Variants in RAI1 observed in about 807,000 individuals in gnomAD.
RAI1 encodes retinoic acid-induced protein 1.
In RAI1, 9 loss-of-function variants were observed where a neutral mutation model predicts 123.8. That is an observed-to-expected ratio of 0.07 (90% CI 0.04 to 0.13). The LOEUF (loss-of-function observed/expected upper bound fraction) is 0.13. Among genes scored for constraint, RAI1 ranks in the 10% least tolerant of loss-of-function variants. RAI1 has a pLI of 1.00. For synonymous variants in RAI1, 1,231 were observed against 1,127.3 expected (o/e 1.09, Z -1.84); for missense variants, 2,256 against 2,545.8 (o/e 0.89, Z 2.45).
In RAI1 at chr17:17,803,854, G is replaced by A. The variant is rs537278530; in HGVS notation, c.5659+5G>A. On this transcript the variant is annotated splice_donor_5th_base_variant and intron_variant, in intron 4 of 5. Transcript: ENST00000353383. ...ACCCGTGTGCCAGCGATGCAGGTACGAGCCCGCCCAGGAACAGGAGGGCAT... is the reference window on the plus strand; with the variant it reads ...ACCCGTGTGCCAGCGATGCAGGTACAAGCCCGCCCAGGAACAGGAGGGCAT... 14 of 1,612,482 alleles carry A rather than the reference G, an allele frequency of 8.7e-6. No individual in the cohort carries two copies. The highest frequency in any genetic ancestry group is 8.3e-5 in the Admixed American group (5 of 60,004).
rs143810054 is a variant in RAI1, at chr17:17,793,593, C to T, written c.645C>T (p.Ser215=). ...CCCACTTTCCTCAGCATTCCCAGTC[C>T]TTCCCCACCTCCTCCACCTACTCCT... ...QGTHFPQHSQ[S]FPTSSTYSSS... is the part of the protein sequence containing the mutation. The change falls in exon 3 of 6, where the codon TCC becomes TCT. Residue 215 remains serine (S), a synonymous_variant. Coordinates refer to ENST00000353383, the MANE Select transcript of RAI1 (RefSeq NM_030665.4). The T allele has an allele frequency of 4.0e-5, 65 of 1,613,646 alleles. No homozygotes were observed. The highest frequency in any genetic ancestry group is 5.4e-5 in the Non-Finnish European group (64 of 1,180,014).
intron 1 of RAI1, among the ~76,000 whole-genome samples, chr17:17,696,065 A>G (rs1316995989): frequency 2.6e-5 from 4 of 152,196 alleles, no homozygotes; most frequent in African/African-American, 4.8e-5. Flanking sequence ...TCCCAGTCCT[A>G]AGCATTTTGT....
chr17:17,722,632 G>T (rs1038132706), intron 1 of RAI1, among the ~76,000 whole-genome samples: 1 of 152,170 alleles, frequency 6.6e-6, no homozygotes, highest in Non-Finnish European at 1.5e-5. Flanking sequence ...TCTCCTGGCG[G>T]TCCTTGCCGC....
At position 17,809,353 on chromosome 17, in the gene RAI1, C is replaced by T; in HGVS notation, c.5660-37C>T. ...AAACCCCACAGCTGTGGGGCCCCCA[C>T]CCTGTCCTAACCACCGAAACTTCTC... On this transcript the variant is annotated intron_variant, in intron 4 of 5. Coordinates refer to ENST00000353383, the MANE Select transcript of RAI1 (RefSeq NM_030665.4). This position sits in a 1 kb window ranked among gnomAD's most constrained non-coding sequence, Gnocchi z 4.9. 2 of 1,575,736 alleles carry T rather than the reference C, an allele frequency of 1.3e-6. No homozygotes were observed. The highest frequency in any genetic ancestry group is 1.7e-6 in the Non-Finnish European group (2 of 1,145,396).
chr17:17,718,404 G>T (rs979343390), intron 1 of RAI1, among the ~76,000 whole-genome samples: 5 of 152,144 alleles, frequency 3.3e-5, no homozygotes, highest in African/African-American at 9.7e-5. Context: ...GCATTTTCTC[G>T]AGTGTTTTGC....
At chr17:17,765,320 A>G (rs944178342) in intron 2 of RAI1, among the ~76,000 whole-genome samples, 1 of 152,238 alleles carries the variant, frequency 6.6e-6, no homozygotes, top group Admixed American at 6.5e-5. Context: ...GAAGAGACCG[A>G]GGTACAGTCC....
In RAI1 at chr17:17,797,929, C is replaced by A; in HGVS notation, c.4981C>A (p.Arg1661=). The change falls in exon 3 of 6, where the codon CGG becomes AGG. Residue 1661 remains arginine, a synonymous_variant. Coordinates refer to ENST00000353383, the MANE Select transcript of RAI1 (RefSeq NM_030665.4). ...CCCTGGAGGCTCCATCCTGCAGCCG[C>A]GGCCCTCCTTGCCCCTCTCCTCCAC... is the stretch of plus-strand genomic sequence containing the variant. ...TLPGGSILQP[R]PSLPLSSTMH... 1 of 1,614,034 alleles carries A rather than the reference C, an allele frequency of 6.2e-7. No homozygotes were observed. The highest frequency in any genetic ancestry group is 8.5e-7 in the Non-Finnish European group (1 of 1,180,028).
At chr17:17,700,945 C>A (rs143352550) in intron 1 of RAI1, among the ~76,000 whole-genome samples, 73 of 152,328 alleles carry the variant, frequency 4.8e-4, no homozygotes, top group Middle Eastern at 3.4e-3. Flanking sequence ...ACGTGCCAGG[C>A]GCTCTTGAGG....
At chr17:17,766,118 C>T (rs1024635643) in intron 2 of RAI1, 1 of 152,280 alleles carries the variant, frequency 6.6e-6, no homozygotes, top group East Asian at 1.9e-4. Context: ...TGCAGCTGTC[C>T]TGGTCCTGCA....
intron 4 of RAI1, among the ~76,000 whole-genome samples, chr17:17,806,198 G>A (rs1482207303): frequency 2.0e-5 from 3 of 152,246 alleles, no homozygotes. Context: ...AAGACTTCCA[G>A]GAGGAGGTGA....
chr17:17,698,267 A>T (rs945984908), intron 1 of RAI1, among the ~76,000 whole-genome samples: 1 of 152,104 alleles, frequency 6.6e-6, no homozygotes, highest in African/African-American at 2.4e-5. Context: ...TGGGTGGCTC[A>T]TGGCAGGCTT....
chr17:17,793,788 G>GCAGCAA lies in RAI1; in HGVS notation c.845_846insACAGCA (p.Gln290_Gln291dup). 1.6e-6 allele frequency: 1 copy of GCAGCAA among 637,604 alleles called. No homozygotes were observed. Among genetic ancestry groups the GCAGCAA allele is most frequent in the Non-Finnish European group, 1.9e-6 (1 of 534,080 alleles). 39.5% of individuals were successfully genotyped at this position (637,604 alleles called of 1,614,324 possible). A position where few individuals can be genotyped will look rare whatever the true frequency, so the allele number is the denominator to read the frequency against. ...GCCGCCTCAGCTATGACCAGCAGCA[G>GCAGCAA]CAGCAGCAGCAGCAGCAGCAGCAGC... On this transcript the variant is annotated inframe_insertion, in exon 3 of 6. Transcript: ENST00000353383.
At position 17,791,880 on chromosome 17, in the gene RAI1, A is replaced by G. The variant is rs1043524385; in HGVS notation, c.-16-1053A>G. Among the ~76,000 whole-genome samples the G allele has an allele frequency of 3.3e-5, 5 of 152,234 alleles. No individual in the cohort carries two copies. In the East Asian group the frequency reaches 5.8e-4, roughly 18 times the overall value. On this transcript the variant is annotated intron_variant, in intron 2 of 5. Transcript: ENST00000353383. ...CCCACCCTGGGTCCTTTCCTGACCC[A>G]GGATTCTGCTCTGCAGGCAGGGGCA...
intron 1 of RAI1, among the ~76,000 whole-genome samples, chr17:17,707,331 G>A (rs1182326901): frequency 1.3e-5 from 2 of 152,144 alleles, no homozygotes; most frequent in Admixed American, 1.3e-4. Flanking sequence ...AGAAAAAAAA[G>A]TAGGTGGGGA....
chr17:17,808,685 G>C (rs948491649), intron 4 of RAI1, among the ~76,000 whole-genome samples: 3 of 152,078 alleles, frequency 2.0e-5, no homozygotes, highest in Admixed American at 6.6e-5. Flanking sequence ...GGGCTCAAGC[G>C]ATTCATTCAC....
chr17:17,796,151 C>A lies in RAI1; in HGVS notation c.3203C>A (p.Thr1068Lys). The A allele has an allele frequency of 6.4e-7, 1 of 1,565,772 alleles. No individual in the cohort carries two copies. Among genetic ancestry groups the A allele is most frequent in the Non-Finnish European group, 8.7e-7 (1 of 1,154,100 alleles). Residue 1068 changes from threonine to lysine, a missense_variant, in exon 3 of 6, where the codon ACG becomes AAG. Coordinates refer to ENST00000353383, the MANE Select transcript of RAI1 (RefSeq NM_030665.4). The surrounding 1 kb of genome is among the most constrained non-coding windows in gnomAD (Gnocchi z 5.8). ...RSLTALSEPRTPGPPGLTTTP... is the reference protein window; with the variant it reads ...RSLTALSEPRKPGPPGLTTTP... ...CTCACGGCCCTGAGTGAGCCCCGCACGCCCGGACCCCCAGGCCTGACCACC... is the reference window on the plus strand; with the variant it reads ...CTCACGGCCCTGAGTGAGCCCCGCAAGCCCGGACCCCCAGGCCTGACCACC...
chr17:17,682,187 G>A (rs532521502), intron 1 of RAI1, among the ~76,000 whole-genome samples: 6 of 152,138 alleles, frequency 3.9e-5, no homozygotes, highest in Admixed American at 3.3e-4. Flanking sequence ...GGCGCCGGGG[G>A]CGGAGGTGAG....
At chr17:17,697,935 A>C (rs1915091528) in intron 1 of RAI1, among the ~76,000 whole-genome samples, 1 of 152,148 alleles carries the variant, frequency 6.6e-6, no homozygotes, top group African/African-American at 2.4e-5. Flanking sequence ...TCTCTCACCC[A>C]CTTTTCATCA....
At chr17:17,700,785 C>T (rs1448153136) in intron 1 of RAI1, among the ~76,000 whole-genome samples, 3 of 152,242 alleles carry the variant, frequency 2.0e-5, no homozygotes, top group Admixed American at 2.0e-4. Context: ...CTCGCCCGCT[C>T]CCCGGCGTTC....
Sources: gnomAD v4.1 joint callset for allele counts (sites outside exome capture counted in the v4.1 genomes callset) on GRCh38, gnomAD v4.1.1 for gene constraint, Gnocchi (gnomAD v3.1) non-coding constraint, MANE v1.5 for transcripts, NCBI Gene and HGNC (gene_info 2026-07-23, HGNC 2026-07-21) for gene names.